Variants in DHRSX observed in about 807,000 individuals in gnomAD.
DHRSX encodes dehydrogenase/reductase X-linked.
A neutral mutation model predicts 34.0 loss-of-function variants in DHRSX; 31 were observed. The observed-to-expected ratio is 0.91, with a 90% CI of 0.69 to 1.23. DHRSX has a LOEUF of 1.23. DHRSX is among the 50% of genes most tolerant of loss of function. The probability of loss-of-function intolerance (pLI) is 0.00; values close to 1 mark genes in which losing one functional copy is unlikely to be tolerated. For synonymous variants in DHRSX, 201 were observed against 183.8 expected (o/e 1.09, Z -0.76); for missense variants, 414 against 428.1 (o/e 0.97, Z 0.29).
intron 3 of DHRSX, among the ~76,000 whole-genome samples, chrX:2,396,369 C>G (rs865786987): frequency 2.1e-5 from 2 of 95,852 alleles, no homozygotes; most frequent in Non-Finnish European, 4.3e-5. Context: ...TGCTTTCTTT[C>G]TTTTTCTTTT....
intron 1 of DHRSX, among the ~76,000 whole-genome samples, chrX:2,448,773 A>G (rs1569502526): frequency 1.3e-5 from 2 of 152,226 alleles, no homozygotes; most frequent in African/African-American, 4.8e-5. Flanking sequence ...AACAAGTCCC[A>G]GTTTTGAGGA....
intron 6 of DHRSX, among the ~76,000 whole-genome samples, chrX:2,230,232 T>A (rs1246429166): frequency 1.3e-5 from 2 of 152,200 alleles, no homozygotes; most frequent in Admixed American, 6.5e-5. Context: ...TATGTGTGCA[T>A]GAGTGTGCAC....
At chrX:2,461,505 C>T (rs2952115) in intron 1 of DHRSX, among the ~76,000 whole-genome samples, 95 of 152,204 alleles carry the variant, frequency 6.2e-4, no homozygotes, top group African/African-American at 1.7e-3. Context: ...ACTGAAATCC[C>T]GGCAGAACAA....
intron 3 of DHRSX, among the ~76,000 whole-genome samples, chrX:2,323,578 C>G (rs1316852281): frequency 6.6e-6 from 1 of 152,108 alleles, no homozygotes; most frequent in African/African-American, 2.4e-5. Flanking sequence ...GCCTGAGCAA[C>G]AGAGGAAGAT....
intron 3 of DHRSX, among the ~76,000 whole-genome samples, chrX:2,293,269 T>C (rs1207920149): frequency 4.7e-5 from 7 of 148,204 alleles, no homozygotes; most frequent in East Asian, 1.9e-4. Context: ...TTTTTTTTTT[T>C]CCCAGAAGGA....
At chrX:2,391,354 G>A (rs868325401) in intron 3 of DHRSX, among the ~76,000 whole-genome samples, 1 of 152,130 alleles carries the variant, frequency 6.6e-6, no homozygotes, top group Admixed American at 6.5e-5. Flanking sequence ...CAGAATACAA[G>A]TGACCTGCCC....
chrX:2,433,851 T>C (rs1170426709), intron 1 of DHRSX, among the ~76,000 whole-genome samples: 1 of 152,158 alleles, frequency 6.6e-6, no homozygotes, highest in Non-Finnish European at 1.5e-5. Context: ...ATCAGCTCAA[T>C]GCAAGCTCCA....
intron 6 of DHRSX, among the ~76,000 whole-genome samples, chrX:2,240,007 G>A (rs1311398675): frequency 6.6e-6 from 1 of 151,612 alleles, no homozygotes; most frequent in Non-Finnish European, 1.5e-5. Flanking sequence ...AATAAGGGAT[G>A]TACAGCTGGG....
intron 2 of DHRSX, among the ~76,000 whole-genome samples, chrX:2,423,068 G>A (rs917226253): frequency 1.3e-5 from 2 of 151,160 alleles, no homozygotes; most frequent in African/African-American, 4.8e-5. Context: ...CTCCCAAAGT[G>A]CTGGGATTAC....
At chrX:2,309,000 C>G (rs748295840) in intron 3 of DHRSX, among the ~76,000 whole-genome samples, 2 of 152,114 alleles carry the variant, frequency 1.3e-5, no homozygotes, top group East Asian at 1.9e-4. Context: ...ATGAAAAAAG[C>G]TTTAAAATGA....
At chrX:2,255,841 G>A (rs1301155922) in intron 5 of DHRSX, among the ~76,000 whole-genome samples, 1 of 151,410 alleles carries the variant, frequency 6.6e-6, no homozygotes, top group Non-Finnish European at 1.5e-5. Context: ...TTGAACCCAC[G>A]AGGCAGAGGT....
intron 3 of DHRSX, among the ~76,000 whole-genome samples, chrX:2,370,321 G>A (rs2043042105): frequency 6.6e-6 from 1 of 151,734 alleles, no homozygotes; most frequent in African/African-American, 2.4e-5. Flanking sequence ...ACAGGCACCC[G>A]CCACCATGCC....
chrX:2,346,731 T>C lies in DHRSX; in HGVS notation c.287-55128A>G, dbSNP rs1198336604. On this transcript the variant is annotated intron_variant, in intron 3 of 6. Coordinates refer to ENST00000334651, the MANE Select transcript of DHRSX (RefSeq NM_145177.3). Reference sequence around the variant, plus strand: ...AGGTTACATAGGTATCCATGTGCCATGGTGGTTTGCTGCACCTATCAACCC... The same window carrying C: ...AGGTTACATAGGTATCCATGTGCCACGGTGGTTTGCTGCACCTATCAACCC... Among the ~76,000 whole-genome samples, 6 of 152,070 alleles carry C rather than the reference T, an allele frequency of 3.9e-5. No individual in the cohort carries two copies. The East Asian group carries it at 7.8e-4, about 20-fold the overall frequency.
intron 6 of DHRSX, among the ~76,000 whole-genome samples, chrX:2,241,816 G>A (rs1277175932): frequency 2.6e-5 from 4 of 152,074 alleles, no homozygotes; most frequent in African/African-American, 9.7e-5. Flanking sequence ...GCTGAGGCAG[G>A]AGAATCGCTT....
chrX:2,440,599 G>C lies in DHRSX; in HGVS notation c.110-15295C>G, dbSNP rs561673408. Among the ~76,000 whole-genome samples, 33 of 151,738 alleles carry C rather than the reference G, an allele frequency of 2.2e-4. No individual in the cohort carries two copies. The South Asian group carries it at 6.7e-3, about 31-fold the overall frequency. ...CTGGAGTGCAGTGGCGGGATCTCTAGCCTTCATCTTTCTCCCATGCTGGAT... is the reference window on the plus strand; with the variant it reads ...CTGGAGTGCAGTGGCGGGATCTCTACCCTTCATCTTTCTCCCATGCTGGAT... On this transcript the variant is annotated intron_variant, in intron 1 of 6. Coordinates refer to ENST00000334651, the MANE Select transcript of DHRSX (RefSeq NM_145177.3).
chrX:2,425,028 T>C (rs1456742801), intron 2 of DHRSX, among the ~76,000 whole-genome samples, 169 bp downstream of exon 2: 1 of 151,690 alleles, frequency 6.6e-6, no homozygotes, highest in African/African-American at 2.4e-5. Flanking sequence ...TAAACCCAGC[T>C]ACTCGGGAGG....
At chrX:2,345,312 G>A (rs1216368431) in intron 3 of DHRSX, among the ~76,000 whole-genome samples, 3 of 152,012 alleles carry the variant, frequency 2.0e-5, no homozygotes, top group Non-Finnish European at 2.9e-5. Flanking sequence ...AGGAATTGGT[G>A]GGTAGGCCTG....
chrX:2,371,022 T>G (rs73191309), intron 3 of DHRSX, among the ~76,000 whole-genome samples: 52,475 of 151,734 alleles, frequency 0.35, 10,644 homozygotes, highest in Non-Finnish European at 0.48. Flanking sequence ...CAGATGTCAC[T>G]GCTCGGGTGT....
At chrX:2,449,888 G>C (rs144953602) in intron 1 of DHRSX, among the ~76,000 whole-genome samples, 1 of 152,026 alleles carries the variant, frequency 6.6e-6, no homozygotes, top group Admixed American at 6.6e-5. Context: ...GCGATCCACC[G>C]GCCTAAAGTG....
Sources: allele counts gnomAD v4.1 joint callset (sites outside exome capture counted in the v4.1 genomes callset), GRCh38; gene constraint gnomAD v4.1.1; transcripts MANE v1.5; gene names NCBI Gene and HGNC (gene_info 2026-07-23, HGNC 2026-07-21).